The following SLC4A4 variants were observed in gnomAD, a reference collection of about 807,000 sequenced individuals.
SLC4A4 encodes solute carrier family 4 member 4.
In SLC4A4, 27 loss-of-function variants were observed where a neutral mutation model predicts 111.5. The ratio of observed to expected loss-of-function variants is 0.24; its 90% CI spans 0.18 to 0.33. The LOEUF is 0.33. SLC4A4 is among the 10% of genes least tolerant of loss of function. The pLI is 1.00. For missense variants in SLC4A4, 909 were observed against 1,315.5 expected (o/e 0.69, Z 4.78); for synonymous variants, 443 against 463.4 (o/e 0.96, Z 0.57).
Position 71,443,083 on chromosome 4 carries a change from A to ACTCTCTCT in SLC4A4, c.965+2337_965+2344dup, listed in dbSNP as rs1180993467. ...CTTATGTCTATCCACAGAGGCCACT[A>ACTCTCTCT]CTCTCTCTCTCTCTCTCTCTCTCTC... On this transcript the variant is annotated intron_variant, in intron 8 of 25. Coordinates refer to ENST00000264485, the MANE Select transcript of SLC4A4 (RefSeq NM_001098484.3). Among the ~76,000 whole-genome samples the ACTCTCTCT allele has an allele frequency of 9.2e-3, 288 of 31,384 alleles. 14 individuals carry two copies. The highest frequency in any genetic ancestry group is 0.016 in the African/African-American group (81 of 5,166). The allele number at this position is 31,384 out of a possible 152,430, so 20.6% of individuals were successfully genotyped here.
chr4:71,256,047 T>C (rs1721426617), intron 3 of SLC4A4, among the ~76,000 whole-genome samples: 1 of 152,138 alleles, frequency 6.6e-6, no homozygotes, highest in South Asian at 2.1e-4. Context: ...TGTGTTTAGA[T>C]GTATGTTTAT....
chr4:71,115,407 CAAACA>C (rs995423715), intron 2 of SLC4A4, among the ~76,000 whole-genome samples: 5 of 151,680 alleles, frequency 3.3e-5, no homozygotes, highest in Non-Finnish European at 5.9e-5. Context: ...CAAAAAAGAG[CAAACA>C]AAACAAAACA....
intron 3 of SLC4A4, among the ~76,000 whole-genome samples, chr4:71,313,056 A>C (rs1338928409): frequency 1.3e-5 from 2 of 152,232 alleles, no homozygotes; most frequent in African/African-American, 4.8e-5. Flanking sequence ...AAACTCCTTA[A>C]GCTGATAAGG....
chr4:71,486,547 C>T (rs987100382), intron 14 of SLC4A4, among the ~76,000 whole-genome samples: 3 of 151,468 alleles, frequency 2.0e-5, no homozygotes, highest in African/African-American at 7.3e-5. Context: ...ATTAGTAAAG[C>T]TTCAATATGG....
chr4:71,233,952 A>C (rs556492459), intron 1 of SLC4A4, among the ~76,000 whole-genome samples: 14 of 152,278 alleles, frequency 9.2e-5, no homozygotes, highest in Admixed American at 1.3e-4. Flanking sequence ...TGGCCCAATC[A>C]ATATCATCTC....
intron 12 of SLC4A4, among the ~76,000 whole-genome samples, chr4:71,456,623 C>T (rs1294114328): frequency 1.3e-5 from 2 of 152,092 alleles, no homozygotes; most frequent in Non-Finnish European, 2.9e-5. Flanking sequence ...TTGATTCATT[C>T]CTTGCAAATA....
intron 1 of SLC4A4, among the ~76,000 whole-genome samples, chr4:71,216,351 G>A (rs1718431577): frequency 6.6e-6 from 1 of 151,910 alleles, no homozygotes; most frequent in South Asian, 2.1e-4. Flanking sequence ...TTTAAAAATT[G>A]GCATTTGGGG....
intron 1 of SLC4A4, among the ~76,000 whole-genome samples, chr4:71,201,680 A>T (rs935794510): frequency 6.6e-6 from 1 of 152,122 alleles, no homozygotes; most frequent in Admixed American, 6.5e-5. Flanking sequence ...CCCTACCTCT[A>T]TTATAGTGTG....
At position 71,269,925 on chromosome 4, in the gene SLC4A4, A is replaced by G. The variant is rs558821719; in HGVS notation, c.253+14526A>G. Among the ~76,000 whole-genome samples the G allele has an allele frequency of 5.3e-5, 8 of 152,348 alleles. No homozygotes were observed. The South Asian group carries it at 1.2e-3, about 24-fold the overall frequency. On this transcript the variant is annotated intron_variant, in intron 3 of 25. Transcript: ENST00000264485. ...TTCTCGTGATCTGTGAGGTAAGATGATAAAGAAATATACCTCACCAGGTGG... is the reference window on the plus strand; with the variant it reads ...TTCTCGTGATCTGTGAGGTAAGATGGTAAAGAAATATACCTCACCAGGTGG...
At chr4:71,254,129 A>T (rs1721273882) in intron 2 of SLC4A4, among the ~76,000 whole-genome samples, 2 of 152,212 alleles carry the variant, frequency 1.3e-5, no homozygotes, top group African/African-American at 4.8e-5. Flanking sequence ...GTTGTCATCA[A>T]GGAATAATTC....
chr4:71,349,374 G>T (rs933184503), intron 4 of SLC4A4, among the ~76,000 whole-genome samples: 2 of 152,148 alleles, frequency 1.3e-5, no homozygotes, highest in Non-Finnish European at 2.9e-5. Context: ...AACAAAACGT[G>T]CCGGTCTTCC....
At chr4:71,477,552 G>A (rs1405159958) in intron 14 of SLC4A4, among the ~76,000 whole-genome samples, 1 of 151,752 alleles carries the variant, frequency 6.6e-6, no homozygotes, top group Non-Finnish European at 1.5e-5. Flanking sequence ...TGTAGTTAGA[G>A]TATTTAATAC....
chr4:71,321,810 A>G (rs1037286401), intron 3 of SLC4A4, among the ~76,000 whole-genome samples: 4 of 152,026 alleles, frequency 2.6e-5, no homozygotes, highest in Admixed American at 1.3e-4. Flanking sequence ...CACGATGGCA[A>G]TTAAATTTCC....
At chr4:71,276,728 G>A (rs1578734730) in intron 3 of SLC4A4, among the ~76,000 whole-genome samples, 1 of 152,052 alleles carries the variant, frequency 6.6e-6, no homozygotes, top group African/African-American at 2.4e-5. Flanking sequence ...GAGGCATCTT[G>A]GTTGTTTCTG....
intron 20 of SLC4A4, among the ~76,000 whole-genome samples, chr4:71,553,922 A>G (rs6858260): frequency 0.018 from 2,737 of 151,952 alleles, 42 homozygotes; most frequent in African/African-American, 0.045. Flanking sequence ...AATTAGCTAC[A>G]TTAAAATTGT....
At chr4:71,325,839 T>C (rs1022325351) in intron 3 of SLC4A4, among the ~76,000 whole-genome samples, 1 of 151,898 alleles carries the variant, frequency 6.6e-6, no homozygotes, top group South Asian at 2.1e-4. Flanking sequence ...GAAAAAGAGC[T>C]TAAAGGTGGT....
At chr4:71,177,434 A>T (rs1042372588) in intron 2 of SLC4A4, among the ~76,000 whole-genome samples, 2 of 152,188 alleles carry the variant, frequency 1.3e-5, no homozygotes, top group African/African-American at 4.8e-5. Flanking sequence ...CAGGAAACCC[A>T]TCTCAGGTGC....
intron 1 of SLC4A4, among the ~76,000 whole-genome samples, chr4:71,209,205 TGCTATTG>T (rs1460163024): frequency 5.3e-5 from 8 of 152,208 alleles, no homozygotes; most frequent in Non-Finnish European, 1.0e-4. Context: ...ATACTATCTG[TGCTATTG>T]GCTACAGTGT....
chr4:71,150,219 A>G (rs1400726914), intron 2 of SLC4A4, among the ~76,000 whole-genome samples: 1 of 152,084 alleles, frequency 6.6e-6, no homozygotes, highest in African/African-American at 2.4e-5. Flanking sequence ...GTACACATTG[A>G]TGTTGCCTAG....
Sources: gnomAD v4.1 joint callset for allele counts (sites outside exome capture counted in the v4.1 genomes callset) on GRCh38, gnomAD v4.1.1 for gene constraint, MANE v1.5 for transcripts, NCBI Gene and HGNC (gene_info 2026-07-23, HGNC 2026-07-21) for gene names.